Variants in PHF14 observed in about 807,000 individuals in gnomAD.
PHF14 encodes the protein PHD finger protein 14.
In PHF14, 55 loss-of-function variants were observed where a neutral mutation model predicts 117.9. The ratio of observed to expected loss-of-function variants is 0.47; its 90% CI spans 0.38 to 0.58. PHF14 has a LOEUF of 0.58. PHF14 is among the 20% of genes least tolerant of loss of function. The pLI is 0.00. For synonymous variants in PHF14, 409 were observed against 368.6 expected, an observed-to-expected ratio of 1.11 and a Z score of -1.26; for missense variants, 978 against 1,122.2, an observed-to-expected ratio of 0.87 and a Z score of 1.84.
At chr7:11,112,261 C>G (rs541098528) in intron 17 of PHF14, among the ~76,000 whole-genome samples, 1 of 152,222 alleles carries the variant, frequency 6.6e-6, no homozygotes, top group Non-Finnish European at 1.5e-5. Flanking sequence ...TATGGACATC[C>G]AGCCATCTTT....
chr7:11,101,770 T>C (rs188668438), intron 16 of PHF14, among the ~76,000 whole-genome samples: 1 of 152,002 alleles, frequency 6.6e-6, no homozygotes, highest in African/African-American at 2.4e-5. Context: ...TTCTGCGATG[T>C]GTGACTACTT....
intron 17 of PHF14, among the ~76,000 whole-genome samples, chr7:11,139,874 A>C (rs191214685): frequency 6.6e-6 from 1 of 152,274 alleles, no homozygotes; most frequent in East Asian, 1.9e-4. Flanking sequence ...ATAATATTCT[A>C]ATGCATCATT....
At chr7:11,018,914 T>G (rs1783626847) in intron 5 of PHF14, among the ~76,000 whole-genome samples, 1 of 152,126 alleles carries the variant, frequency 6.6e-6, no homozygotes, top group Non-Finnish European at 1.5e-5. Flanking sequence ...AGGTATGTCT[T>G]TCTATCCCGT....
At position 11,039,978 on chromosome 7, in the gene PHF14, A is replaced by G. The variant is rs140854152; in HGVS notation, c.2077-694A>G. 1.1e-4 allele frequency among the ~76,000 whole-genome samples: 17 copies of G among 152,298 alleles called. No homozygotes were observed. In the East Asian group the frequency reaches 2.9e-3, roughly 26 times the overall value. On this transcript the variant is annotated intron_variant, in intron 11 of 17. Transcript: ENST00000634607. ...TTGGCTTGATTTGCAAGTTTTTCTCATAAGAATCTCCTGTTTAAAATACTA... is the reference window on the plus strand; with the variant it reads ...TTGGCTTGATTTGCAAGTTTTTCTCGTAAGAATCTCCTGTTTAAAATACTA...
At chr7:11,071,341 A>G in intron 16 of PHF14, 2 of 509,026 alleles carry the variant, frequency 3.9e-6, no homozygotes, top group Non-Finnish European at 7.8e-6. Flanking sequence ...TCTTCTTCCA[A>G]GCTATTCTGT....
chr7:11,151,191 A>G (rs531414829), intron 17 of PHF14, among the ~76,000 whole-genome samples: 20 of 152,338 alleles, frequency 1.3e-4, no homozygotes, highest in South Asian at 4.1e-4. Flanking sequence ...TTATTGAACA[A>G]TGTGGTTGCC....
At chr7:11,114,222 A>G (rs537969140) in intron 17 of PHF14, among the ~76,000 whole-genome samples, 33 of 152,248 alleles carry the variant, frequency 2.2e-4, no homozygotes, top group South Asian at 1.7e-3. Context: ...TGTTTTGCCT[A>G]GAAGTTTAGA....
chr7:11,102,535 C>G, intron 16 of PHF14: 1 of 1,611,296 alleles, frequency 6.2e-7, no homozygotes. Flanking sequence ...CGGAGGCAAT[C>G]CCGGAAACCT....
At chr7:11,086,504 A>T (rs756749466) in intron 16 of PHF14, among the ~76,000 whole-genome samples, 1 of 152,244 alleles carries the variant, frequency 6.6e-6, no homozygotes, top group East Asian at 1.9e-4. Flanking sequence ...CTTAGTCCAT[A>T]TGTCTTGGTC....
intron 12 of PHF14, among the ~76,000 whole-genome samples, chr7:11,041,159 A>T (rs1482260401): frequency 1.3e-5 from 2 of 152,038 alleles, no homozygotes; most frequent in African/African-American, 2.4e-5. Context: ...TATAGAATGA[A>T]TCTATTGCCT....
intron 5 of PHF14, among the ~76,000 whole-genome samples, chr7:11,021,158 T>A (rs1457819125): frequency 6.6e-6 from 1 of 152,248 alleles, no homozygotes; most frequent in Admixed American, 6.5e-5. Context: ...TACAATAATC[T>A]GTTAATAGTT....
chr7:11,131,534 A>AT (rs2128348815), intron 17 of PHF14, among the ~76,000 whole-genome samples: 1 of 152,046 alleles, frequency 6.6e-6, no homozygotes, highest in East Asian at 1.9e-4. Context: ...TTATTTGTAT[A>AT]TTTTGAATGC....
intron 17 of PHF14, among the ~76,000 whole-genome samples, chr7:11,129,677 A>G (rs1239656193): frequency 6.6e-6 from 1 of 151,852 alleles, no homozygotes. Flanking sequence ...TTATTGGATA[A>G]AAATCTGTAT....
chr7:11,118,366 AG>A (rs1263136451), intron 17 of PHF14, among the ~76,000 whole-genome samples: 1 of 151,888 alleles, frequency 6.6e-6, no homozygotes. Context: ...AACTAAGTTC[AG>A]GCAGTTGCTA....
intron 16 of PHF14, among the ~76,000 whole-genome samples, chr7:11,098,212 T>G (rs151227623): frequency 6.6e-6 from 1 of 152,330 alleles, no homozygotes; most frequent in African/African-American, 2.4e-5. Flanking sequence ...TAAAAAACTT[T>G]AGCCATGTAT....
intron 1 of PHF14, 131 bp from the exon 2 acceptor site, chr7:10,974,704 C>T: frequency 1.6e-6 from 1 of 622,720 alleles, no homozygotes; most frequent in Non-Finnish European, 2.9e-6. Context: ...CTTCTCCTGA[C>T]CCCTTTTGCT....
chr7:11,063,634 G>C, intron 16 of PHF14: 1 of 974,720 alleles, frequency 1.0e-6, no homozygotes, highest in Non-Finnish European at 1.2e-6. Flanking sequence ...AGGCCTTTTT[G>C]CTGTAGGACT....
At chr7:11,146,617 A>G (rs1336301062) in intron 17 of PHF14, among the ~76,000 whole-genome samples, 5 of 152,174 alleles carry the variant, frequency 3.3e-5, no homozygotes, top group Admixed American at 6.5e-5. Context: ...GTATCTATCT[A>G]TGGTTGGGGA....
chr7:11,112,960 A>G (rs1787492585), intron 17 of PHF14, among the ~76,000 whole-genome samples: 1 of 152,052 alleles, frequency 6.6e-6, no homozygotes, highest in South Asian at 2.1e-4. Context: ...TTTATTGCAC[A>G]GTTCAAAAAT....
Sources: gnomAD v4.1 joint callset for allele counts (sites outside exome capture counted in the v4.1 genomes callset) on GRCh38, gnomAD v4.1.1 for gene constraint, MANE v1.5 for transcripts, NCBI Gene and HGNC (gene_info 2026-07-23, HGNC 2026-07-21) for gene names.